The following CAPN9 variants were observed in gnomAD, a reference collection of about 807,000 sequenced individuals.
CAPN9 encodes calpain 9, also known as calpain-9.
CAPN9 carries 81 observed loss-of-function variants against 92.8 expected under a neutral mutation model. That is an observed-to-expected ratio of 0.87 (90% CI 0.73 to 1.05). The LOEUF is 1.05. CAPN9 is among the 50% of genes least tolerant of loss of function. The pLI is 0.00. For synonymous variants in CAPN9, 304 were observed against 328.0 expected, an observed-to-expected ratio of 0.93 and a Z score of 0.79; for missense variants, 848 against 866.2, an observed-to-expected ratio of 0.98 and a Z score of 0.26.
At chr1:230,759,322 G>A (rs1315146000) in intron 2 of CAPN9, among the ~76,000 whole-genome samples, 190 bp from the exon 3 acceptor site, 3 of 152,188 alleles carry the variant, frequency 2.0e-5, no homozygotes, top group Non-Finnish European at 2.9e-5. Context: ...TATGATAGAC[G>A]GGCAGAGAAG....
Position 230,792,425 on chromosome 1 carries a change from G to T in CAPN9, c.1723-1G>T. The T allele has an allele frequency of 6.2e-7, 1 of 1,613,700 alleles. No individual in the cohort carries two copies. The highest frequency in any genetic ancestry group is 1.1e-5 in the South Asian group (1 of 91,024). On this transcript the variant is annotated splice_acceptor_variant, in intron 15 of 19. Coordinates refer to ENST00000271971, the MANE Select transcript of CAPN9 (RefSeq NM_006615.3). LOFTEE classifies it high-confidence loss of function. ...TGTCTCCCTTAACCCACATGGCACA[G>T]ACCAGCGGCAATGGGAAGCTGGAGT... is the stretch of plus-strand genomic sequence containing the variant.
At chr1:230,792,764 C>T (rs1668091290) in intron 16 of CAPN9, 86 bp from the exon 17 acceptor site, 3 of 1,154,146 alleles carry the variant, frequency 2.6e-6, no homozygotes, top group Non-Finnish European at 2.6e-6. Flanking sequence ...GGGTAGCTCC[C>T]CCGGGCTGGC....
At chr1:230,792,545 A>T (rs376300096) in intron 16 of CAPN9, 51 bp downstream of exon 16, 1 of 1,402,670 alleles carries the variant, frequency 7.1e-7, no homozygotes, top group East Asian at 2.3e-5. Flanking sequence ...GTGAACCTAG[A>T]GCAGAGGGGA....
rs763236269 is a variant in CAPN9 at position 230,780,677 on chromosome 1, A to G, written c.1450A>G (p.Arg484Gly). The stretch of plus-strand genomic sequence containing the variant: ...CCACCAGGAAGCTGATTTCTGTCTG[A>G]GAATCTTTTCAGAGAAAAAAGCCAT... ...EPHQEADFCL[R>G]IFSEKKAITR... Residue 484 changes from arginine (R) to glycine (G), a missense_variant, in exon 11 of 20, where the codon AGA (arginine) becomes GGA (glycine). Coordinates refer to ENST00000271971, the MANE Select transcript of CAPN9 (RefSeq NM_006615.3). The G allele has an allele frequency of 6.2e-6, 10 of 1,613,990 alleles. No homozygotes were observed. The highest frequency in any genetic ancestry group is 8.5e-6 in the Non-Finnish European group (10 of 1,180,006).
intron 7 of CAPN9, among the ~76,000 whole-genome samples, 199 bp from the exon 8 acceptor site, chr1:230,774,355 G>A (rs561659384): frequency 5.1e-4 from 78 of 152,356 alleles, no homozygotes; most frequent in African/African-American, 1.9e-3. Flanking sequence ...ACTTGGAGAT[G>A]TACTTTCTGA....
chr1:230,750,071 C>G (rs1369847369), intron 1 of CAPN9, among the ~76,000 whole-genome samples: 1 of 152,196 alleles, frequency 6.6e-6, no homozygotes, highest in Non-Finnish European at 1.5e-5. Flanking sequence ...CCCAGCGACT[C>G]TAGAGTCCCA....
At chr1:230,763,493 A>G (rs995382573) in intron 4 of CAPN9, among the ~76,000 whole-genome samples, 1 of 152,164 alleles carries the variant, frequency 6.6e-6, no homozygotes, top group Non-Finnish European at 1.5e-5. Context: ...TGGAACCAAG[A>G]AATTCATTTT....
chr1:230,781,234 T>G (rs1162053937), intron 11 of CAPN9, among the ~76,000 whole-genome samples: 1 of 152,120 alleles, frequency 6.6e-6, no homozygotes, highest in African/African-American at 2.4e-5. Context: ...GCTCCCTCGC[T>G]CCCTCAAGCA....
intron 4 of CAPN9, among the ~76,000 whole-genome samples, chr1:230,763,059 C>T (rs951122515): frequency 5.9e-5 from 9 of 152,130 alleles, no homozygotes; most frequent in Admixed American, 1.3e-4. Context: ...GGAAGGCAAG[C>T]GGAGGGGAAT....
Position 230,787,521 on chromosome 1 carries a change from GC to G in CAPN9, c.1520del (p.Pro507LeufsTer31). ...DGNVDIDLPE[P>X]PKPTPPDQET... Reference sequence around the variant, plus strand: ...TGCAAGTTTCTTTGGCTGTTTTTTAGCCTCCAAAGCCAACTCCACCTGACCA... The same window carrying G: ...TGCAAGTTTCTTTGGCTGTTTTTTAGCTCCAAAGCCAACTCCACCTGACCA... On this transcript the variant is annotated frameshift_variant and splice_region_variant, in exon 13 of 20. Coordinates refer to ENST00000271971, the MANE Select transcript of CAPN9 (RefSeq NM_006615.3). LOFTEE classifies it high-confidence loss of function. 1.2e-6 allele frequency: 2 copies of G among 1,612,960 alleles called. No individual in the cohort carries two copies. Among genetic ancestry groups the G allele is most frequent in the Non-Finnish European group, 1.7e-6 (2 of 1,179,316 alleles).
chr1:230,789,473 C>CAAAAA (rs57738295), intron 13 of CAPN9, among the ~76,000 whole-genome samples: 3 of 66,264 alleles, frequency 4.5e-5, no homozygotes, highest in African/African-American at 9.1e-5. Context: ...GACCCTGTAT[C>CAAAAA]AAAAAAAAAA....
At chr1:230,767,904 C>T (rs1433634882) in intron 5 of CAPN9, among the ~76,000 whole-genome samples, 195 bp downstream of exon 5, 2 of 151,894 alleles carry the variant, frequency 1.3e-5, no homozygotes, top group South Asian at 2.1e-4. Context: ...AGGAGATATA[C>T]CTAGTGCTAA....
chr1:230,781,148 A>C (rs1490479560), intron 11 of CAPN9, among the ~76,000 whole-genome samples: 2 of 152,006 alleles, frequency 1.3e-5, no homozygotes. Context: ...GGATTACAGG[A>C]GTGAGCCACC....
chr1:230,790,014 G>A, intron 13 of CAPN9, 118 bp from the exon 14 acceptor site: 1 of 741,552 alleles, frequency 1.3e-6, no homozygotes. Context: ...CCACAGCAGG[G>A]TCCTGAAGGC....
At chr1:230,763,787 A>C (rs1477811344) in intron 4 of CAPN9, among the ~76,000 whole-genome samples, 1 of 152,258 alleles carries the variant, frequency 6.6e-6, no homozygotes, top group Non-Finnish European at 1.5e-5. Flanking sequence ...GGACAGAATT[A>C]AAGCCATCAA....
intron 1 of CAPN9, among the ~76,000 whole-genome samples, chr1:230,753,998 C>G (rs988833070): frequency 6.6e-6 from 1 of 152,176 alleles, no homozygotes; most frequent in African/African-American, 2.4e-5. Flanking sequence ...TGGTTTGTCT[C>G]TTCCTCAAAT....
chr1:230,782,462 A>G (rs1379007641), intron 11 of CAPN9, among the ~76,000 whole-genome samples: 1 of 152,170 alleles, frequency 6.6e-6, no homozygotes. Flanking sequence ...GAGCCCTTCA[A>G]GTTTTAGTCT....
At chr1:230,775,629 A>G (rs1365411474) in intron 8 of CAPN9, among the ~76,000 whole-genome samples, 1 of 152,118 alleles carries the variant, frequency 6.6e-6, no homozygotes, top group Non-Finnish European at 1.5e-5. Flanking sequence ...AGCTTTTAAA[A>G]TACAACAGCA....
At chr1:230,787,906 A>T (rs1053376929) in intron 13 of CAPN9, among the ~76,000 whole-genome samples, 4 of 152,186 alleles carry the variant, frequency 2.6e-5, no homozygotes, top group Non-Finnish European at 5.9e-5. Context: ...CCCTGGCTGG[A>T]GTGCAGTGGT....
Sources: allele counts gnomAD v4.1 joint callset (sites outside exome capture counted in the v4.1 genomes callset), GRCh38; gene constraint gnomAD v4.1.1; transcripts MANE v1.5; gene names NCBI Gene and HGNC (gene_info 2026-07-23, HGNC 2026-07-21).